SNX29: variants seen among roughly 807,000 people sequenced by gnomAD.
SNX29 encodes the protein sorting nexin 29.
SNX29 carries 78 observed loss-of-function variants against 102.1 expected under a neutral mutation model. The ratio of observed to expected loss-of-function variants is 0.76; its 90% CI spans 0.64 to 0.92. SNX29 has a LOEUF of 0.92. SNX29 is among the 40% of genes least tolerant of loss of function. The pLI is 0.00. For synonymous variants in SNX29, 580 were observed against 414.5 expected (o/e 1.40, Z -4.85); for missense variants, 1,280 against 1,061.7 (o/e 1.21, Z -2.86).
intron 18 of SNX29, among the ~76,000 whole-genome samples, chr16:12,453,949 GT>G (rs967727017): frequency 1.3e-5 from 2 of 151,840 alleles, no homozygotes; most frequent in Non-Finnish European, 2.9e-5. Context: ...ATAGCCATGG[GT>G]TTTTTTTGTT....
At chr16:12,035,144 G>A (rs2057439771) in intron 4 of SNX29, among the ~76,000 whole-genome samples, 1 of 151,838 alleles carries the variant, frequency 6.6e-6, no homozygotes, top group Admixed American at 6.6e-5. Context: ...AGCTCATGAT[G>A]GCGTATGCCC....
chr16:12,104,516 A>G (rs2141220480), intron 11 of SNX29, among the ~76,000 whole-genome samples: 1 of 152,138 alleles, frequency 6.6e-6, no homozygotes, highest in East Asian at 1.9e-4. Flanking sequence ...AGATTGCACC[A>G]CTGCACTCCA....
At chr16:12,312,568 AG>A (rs1244793631) in intron 15 of SNX29, among the ~76,000 whole-genome samples, 1 of 152,030 alleles carries the variant, frequency 6.6e-6, no homozygotes, top group Non-Finnish European at 1.5e-5. Context: ...GTGAGGCGTG[AG>A]GGCAGGGGAG....
intron 20 of SNX29, among the ~76,000 whole-genome samples, chr16:12,556,801 T>C (rs1379784923): frequency 6.6e-6 from 1 of 152,122 alleles, no homozygotes; most frequent in Non-Finnish European, 1.5e-5. Context: ...GTTGCCCCCT[T>C]TACTAAAGTA....
intron 14 of SNX29, among the ~76,000 whole-genome samples, chr16:12,272,896 CTGTCTT>C (rs1567382811): frequency 6.6e-6 from 1 of 152,184 alleles, no homozygotes; most frequent in African/African-American, 2.4e-5. Flanking sequence ...GGAAGGGTAA[CTGTCTT>C]TGACTGCTCC....
chr16:12,540,480 G>C (rs956155894), intron 20 of SNX29, among the ~76,000 whole-genome samples: 3 of 152,262 alleles, frequency 2.0e-5, no homozygotes, highest in Admixed American at 2.0e-4. Flanking sequence ...CTACAGTCAA[G>C]GTGTCGGCAG....
Position 12,349,054 on chromosome 16 carries a change from C to T in SNX29, c.1783-7109C>T, listed in dbSNP as rs112107974. On this transcript the variant is annotated intron_variant, in intron 15 of 20. Coordinates refer to ENST00000566228, the MANE Select transcript of SNX29 (RefSeq NM_032167.5). ...GGCCTCCCGGTAGAGGAGCAGAGAG[C>T]GCTGAATTAAAAGCAGGAAGCTTGG... Among the ~76,000 whole-genome samples, 735 of 152,288 alleles carry T rather than the reference C, an allele frequency of 4.8e-3. 5 individuals carry two copies. Among genetic ancestry groups the T allele is most frequent in the African/African-American group, 0.017 (711 of 41,556 alleles).
At chr16:12,369,505 G>A (rs1597107834) in intron 16 of SNX29, among the ~76,000 whole-genome samples, 1 of 152,252 alleles carries the variant, frequency 6.6e-6, no homozygotes, top group Non-Finnish European at 1.5e-5. Flanking sequence ...CAACCGCGTG[G>A]GACTCCTCTA....
At position 12,096,022 on chromosome 16, in the gene SNX29, G is replaced by T. The variant is rs1455274848; in HGVS notation, c.1402+17107G>T. On this transcript the variant is annotated intron_variant, in intron 11 of 20. Coordinates refer to ENST00000566228, the MANE Select transcript of SNX29 (RefSeq NM_032167.5). The surrounding 1 kb of genome is among the most constrained non-coding windows in gnomAD (Gnocchi z 4.2). The stretch of plus-strand genomic sequence containing the variant: ...TAGTAACATCAGAGAGAGATGCGAG[G>T]CCCCGCAGCCAGCTGCTTGCTTGGC... Among the ~76,000 whole-genome samples, 1 of 152,228 alleles carries T rather than the reference G, an allele frequency of 6.6e-6. No homozygotes were observed. Among genetic ancestry groups the T allele is most frequent in the African/African-American group, 2.4e-5 (1 of 41,460 alleles).
chr16:12,212,364 T>A (rs538456354), intron 14 of SNX29, among the ~76,000 whole-genome samples: 2 of 152,240 alleles, frequency 1.3e-5, no homozygotes, highest in South Asian at 4.2e-4. Flanking sequence ...GGGCTGTGTG[T>A]AGACTGGACC....
intron 18 of SNX29, among the ~76,000 whole-genome samples, chr16:12,413,236 A>C (rs140707775): frequency 2.4e-3 from 373 of 152,256 alleles, no homozygotes; most frequent in Admixed American, 4.3e-3. Context: ...GGAATGTCTC[A>C]AAACGGGAGA....
At chr16:12,564,580 G>T (rs531854477) in intron 20 of SNX29, among the ~76,000 whole-genome samples, 1 of 152,088 alleles carries the variant, frequency 6.6e-6, no homozygotes, top group Non-Finnish European at 1.5e-5. Context: ...CCATCCAGAC[G>T]CCCCTTTTTC....
intron 13 of SNX29, among the ~76,000 whole-genome samples, chr16:12,189,075 C>T (rs552037414): frequency 1.3e-5 from 2 of 152,270 alleles, no homozygotes; most frequent in Non-Finnish European, 1.5e-5. Flanking sequence ...CAGGCTTCAC[C>T]CCAAGAGGGT....
chr16:12,441,966 G>A (rs1046398302), intron 18 of SNX29, among the ~76,000 whole-genome samples: 10 of 152,196 alleles, frequency 6.6e-5, no homozygotes, highest in Middle Eastern at 3.4e-3. Flanking sequence ...TTTTTGTAGA[G>A]ATGGGGCTTC....
rs533044417 is a variant in SNX29, at chr16:12,332,405, C to G, written c.1783-23758C>G. ...GGCATCTAGCTGGGTTGCTCATTTGCTAGTCGTGCCTGTTAGGAAAGGCTT... is the reference window on the plus strand; with the variant it reads ...GGCATCTAGCTGGGTTGCTCATTTGGTAGTCGTGCCTGTTAGGAAAGGCTT... On this transcript the variant is annotated intron_variant, in intron 15 of 20. Transcript: ENST00000566228. Among the ~76,000 whole-genome samples the G allele has an allele frequency of 4.6e-5, 7 of 152,290 alleles. No individual in the cohort carries two copies. The South Asian group carries it at 1.5e-3, about 32-fold the overall frequency.
At chr16:12,266,289 G>A (rs1430786804) in intron 14 of SNX29, among the ~76,000 whole-genome samples, 1 of 152,100 alleles carries the variant, frequency 6.6e-6, no homozygotes, top group African/African-American at 2.4e-5. Flanking sequence ...CCACACGTAT[G>A]GGGGTTTCTT....
chr16:12,417,016 C>G (rs957131565), intron 18 of SNX29, among the ~76,000 whole-genome samples: 3 of 152,252 alleles, frequency 2.0e-5, no homozygotes, highest in Non-Finnish European at 4.4e-5. Flanking sequence ...CTGCTGTGTG[C>G]CAGGCACTGC....
chr16:12,064,935 C>G (rs756368066), intron 9 of SNX29, among the ~76,000 whole-genome samples: 7 of 152,228 alleles, frequency 4.6e-5, no homozygotes, highest in African/African-American at 1.7e-4. Context: ...TGGAGGGCTC[C>G]TCACCTTAGG....
intron 14 of SNX29, among the ~76,000 whole-genome samples, chr16:12,228,934 G>A (rs183000505): frequency 6.4e-4 from 98 of 152,334 alleles, no homozygotes; most frequent in African/African-American, 2.2e-3. Context: ...AGCCTCCACC[G>A]AGTCTTCTGA....
Sources: allele counts gnomAD v4.1 joint callset (sites outside exome capture counted in the v4.1 genomes callset), GRCh38; gene constraint gnomAD v4.1.1; non-coding constraint Gnocchi (gnomAD v3.1); transcripts MANE v1.5; gene names NCBI Gene and HGNC (gene_info 2026-07-23, HGNC 2026-07-21).